GRIK5: variants seen among roughly 807,000 people sequenced by gnomAD.
The protein encoded by GRIK5 is glutamate ionotropic receptor kainate type subunit 5.
Under a neutral mutation model 97.4 loss-of-function variants are expected in GRIK5, and 43 were observed. That is an observed-to-expected ratio of 0.44 (90% CI 0.35 to 0.57). The LOEUF is 0.57. Among genes scored for constraint, GRIK5 ranks in the 20% least tolerant of loss-of-function variants. The pLI is 0.01. For synonymous variants in GRIK5, 580 were observed against 583.5 expected (o/e 0.99, Z 0.09); for missense variants, 1,015 against 1,382.0 (o/e 0.73, Z 4.21).
In GRIK5 at chr19:42,042,046, T is replaced by C. The variant is rs1444427687; in HGVS notation, c.1473+506A>G. Among the ~76,000 whole-genome samples the C allele has an allele frequency of 6.6e-6, 1 of 152,096 alleles. No homozygotes were observed. Among genetic ancestry groups the C allele is most frequent in the African/African-American group, 2.4e-5 (1 of 41,414 alleles). On this transcript the variant is annotated intron_variant, in intron 12 of 19. Coordinates refer to ENST00000593562, the MANE Select transcript of GRIK5 (RefSeq NM_002088.5). This position sits in a 1 kb window ranked among gnomAD's most constrained non-coding sequence, Gnocchi z 6.9. ...CATGCCCAGCAAGAGGCAAGGCACA[T>C]AGTAGGTACTCAATAAACAGCCACT...
chr19:42,013,858 T>A (rs960157784), intron 15 of GRIK5, among the ~76,000 whole-genome samples: 1 of 151,620 alleles, frequency 6.6e-6, no homozygotes, highest in African/African-American at 2.4e-5. Context: ...TGAGACTTCG[T>A]CTCTACCAAA....
chr19:42,005,257 A>AG (rs2075474078), intron 17 of GRIK5, among the ~76,000 whole-genome samples: 1 of 150,748 alleles, frequency 6.6e-6, no homozygotes, highest in Non-Finnish European at 1.5e-5. Flanking sequence ...AAAAAAAAAA[A>AG]CAAAACACCA....
chr19:42,063,549 G>A (rs1414964670), intron 3 of GRIK5: 3 of 346,918 alleles, frequency 8.6e-6, no homozygotes, highest in Non-Finnish European at 1.7e-5. Flanking sequence ...ACATATGGGT[G>A]CAAATCAGAC....
chr19:42,040,469 G>A (rs963918874), intron 12 of GRIK5, among the ~76,000 whole-genome samples: 3 of 152,216 alleles, frequency 2.0e-5, no homozygotes, highest in South Asian at 2.1e-4. Flanking sequence ...AACAGGTCAC[G>A]AGGAAGCCTG....
At chr19:42,064,474 A>T (rs955329931) in intron 3 of GRIK5, among the ~76,000 whole-genome samples, 2 of 149,340 alleles carry the variant, frequency 1.3e-5, no homozygotes, top group African/African-American at 5.0e-5. Context: ...CCCGATCCCC[A>T]CCTCATCTCC....
At position 42,059,410 on chromosome 19, in the gene GRIK5, T is replaced by A. The variant is rs777732231; in HGVS notation, c.626A>T (p.Asp209Val). 6.2e-6 allele frequency: 10 copies of A among 1,614,014 alleles called. No homozygotes were observed. Among genetic ancestry groups the A allele is most frequent in the Non-Finnish European group, 8.5e-6 (10 of 1,179,924 alleles). Residue 209 changes from aspartate (D) to valine (V), a missense_variant, in exon 6 of 20, where the codon GAC becomes GTC. Asp to Val is a radical substitution (Grantham distance 152, BLOSUM62 -3). Around this residue, in one of 5 missense-constraint regions of GRIK5, gnomAD observed 477 missense variants for 701.1 expected, o/e 0.68. Transcript: ENST00000593562. ...PTPLLKEIRDDKVSTIIIDAN... is the reference protein window; with the variant it reads ...PTPLLKEIRDVKVSTIIIDAN... ...GTCGATGATGATGGTGGACACCTTGTCATCACGGATCTCCTTGAGCAGTGG... is the reference window on the plus strand; with the variant it reads ...GTCGATGATGATGGTGGACACCTTGACATCACGGATCTCCTTGAGCAGTGG...
intron 15 of GRIK5, among the ~76,000 whole-genome samples, chr19:42,017,524 GA>G (rs1464369510): frequency 2.0e-5 from 3 of 152,210 alleles, no homozygotes; most frequent in Non-Finnish European, 4.4e-5. Context: ...TGCAAGCACT[GA>G]AAACTCACTA....
intron 12 of GRIK5, among the ~76,000 whole-genome samples, chr19:42,034,764 C>T (rs1009160172): frequency 6.6e-6 from 1 of 151,466 alleles, no homozygotes; most frequent in Non-Finnish European, 1.5e-5. Context: ...ATCCACGCAC[C>T]AGACACTTTT....
chr19:42,005,047 A>G (rs1203734986), intron 17 of GRIK5, among the ~76,000 whole-genome samples: 1 of 152,164 alleles, frequency 6.6e-6, no homozygotes, highest in Non-Finnish European at 1.5e-5. Flanking sequence ...GCAGTAATAG[A>G]TAACTAATAC....
chr19:42,038,330 G>A (rs1785724118), intron 12 of GRIK5, among the ~76,000 whole-genome samples: 1 of 152,212 alleles, frequency 6.6e-6, no homozygotes, highest in Admixed American at 6.5e-5. Context: ...GCCTGGCCCA[G>A]GGGTGACTGG....
Position 42,002,184 on chromosome 19 carries a change from T to TG in GRIK5, c.2514+1147dup, listed in dbSNP as rs1555871043. On this transcript the variant is annotated intron_variant, in intron 19 of 19. Transcript: ENST00000593562. This position sits in a 1 kb window ranked among gnomAD's most constrained non-coding sequence, Gnocchi z 5.2. ...GGCAGGGACCGATGCCAGACTGGAG[T>TG]GGGGGGCAAGAGGAAATGGGAGGAA... is the stretch of plus-strand genomic sequence containing the variant. The TG allele has an allele frequency of 2.8e-6, 2 of 713,500 alleles. No homozygotes were observed. Among genetic ancestry groups the TG allele is most frequent in the Middle Eastern group, 2.3e-4 (1 of 4,348 alleles). The allele number at this position is 713,500 out of a possible 1,614,324, so 44.2% of individuals were successfully genotyped here.
intron 12 of GRIK5, among the ~76,000 whole-genome samples, chr19:42,036,014 A>T (rs2075899716): frequency 6.6e-6 from 1 of 152,192 alleles, no homozygotes; most frequent in South Asian, 2.1e-4. Context: ...CCGGAAACAC[A>T]GTATAATGTA....
chr19:42,040,893 A>T (rs945599919), intron 12 of GRIK5, among the ~76,000 whole-genome samples: 8 of 151,494 alleles, frequency 5.3e-5, no homozygotes, highest in African/African-American at 1.5e-4. Context: ...TAAATAAATA[A>T]AATAATAATA....
At chr19:42,063,971 G>A (rs1306988016) in intron 3 of GRIK5, among the ~76,000 whole-genome samples, 1 of 152,096 alleles carries the variant, frequency 6.6e-6, no homozygotes, top group African/African-American at 2.4e-5. Context: ...TTCCACACTG[G>A]TAAGGGCCCC....
At position 42,021,255 on chromosome 19, in the gene GRIK5, G is replaced by A. The variant is rs572017222; in HGVS notation, c.1871+46C>T. 94 of 1,530,958 alleles carry A rather than the reference G, an allele frequency of 6.1e-5. No individual in the cohort carries two copies. In the Admixed American group the frequency reaches 7.6e-4, roughly 12 times the overall value. The allele number at this position is 1,530,958 out of a possible 1,614,324, so 94.8% of individuals were successfully genotyped here. Reference sequence around the variant, plus strand: ...CCCCAACCCCATCCAGGCCTCAGATGGGTCCCTCCCTCGCCCCGGGCAGAG... The same window carrying A: ...CCCCAACCCCATCCAGGCCTCAGATAGGTCCCTCCCTCGCCCCGGGCAGAG... On this transcript the variant is annotated intron_variant, in intron 15 of 19. Coordinates refer to ENST00000593562, the MANE Select transcript of GRIK5 (RefSeq NM_002088.5). This position sits in a 1 kb window ranked among gnomAD's most constrained non-coding sequence, Gnocchi z 4.2.
chr19:42,025,092 G>A (rs1296669124), intron 12 of GRIK5, among the ~76,000 whole-genome samples: 1 of 152,000 alleles, frequency 6.6e-6, no homozygotes, highest in African/African-American at 2.4e-5. Context: ...GCTTCCTCTG[G>A]GGCCCTCCCA....
At chr19:42,030,007 T>G (rs765643892) in intron 12 of GRIK5, among the ~76,000 whole-genome samples, 5 of 152,204 alleles carry the variant, frequency 3.3e-5, no homozygotes, top group Non-Finnish European at 5.9e-5. Flanking sequence ...GGACTAAGTG[T>G]GGTAGCTGCT....
Position 42,054,439 on chromosome 19 carries a change from C to A in GRIK5, c.937G>T (p.Val313Leu), listed in dbSNP as rs746539777. The change falls in exon 9 of 20, where the codon GTG (valine) becomes TTG (leucine). Residue 313 changes from valine to leucine, a missense_variant. Coordinates refer to ENST00000593562, the MANE Select transcript of GRIK5 (RefSeq NM_002088.5). ...AGCTCTCGGACAGCGCTCACCACCA[C>A]GTGCACGGCGTCAAACATCAGGGCG... is the stretch of plus-strand genomic sequence containing the variant. The part of the protein sequence containing the change: ...SAALMFDAVH[V>L]VVSAVRELNR... 3.1e-6 allele frequency: 5 copies of A among 1,613,312 alleles called. No individual in the cohort carries two copies. In the Admixed American group the frequency reaches 5.0e-5, roughly 16 times the overall value.
Position 41,998,931 on chromosome 19 carries a change from G to A in GRIK5, c.2883C>T (p.Thr961=), listed in dbSNP as rs2075402438. 4.4e-6 allele frequency: 5 copies of A among 1,127,916 alleles called. No homozygotes were observed. Among genetic ancestry groups the A allele is most frequent in the Non-Finnish European group, 5.4e-6 (5 of 922,158 alleles). The allele number at this position is 1,127,916 out of a possible 1,614,324, so 69.9% of individuals were successfully genotyped here. ...PRGLGVPAEA[T]SPPRPRPGPA... is the part of the protein sequence containing the mutation. The stretch of plus-strand genomic sequence containing the variant: ...GGCCAGGCCGCGGCCGGGGCGGGCT[G>A]GTGGCTTCGGCGGGGACGCCCAGGC... Residue 961 remains threonine, a synonymous_variant, in exon 20 of 20, where the codon ACC becomes ACT. Transcript: ENST00000593562.
Sources: gnomAD v4.1 joint callset for allele counts (sites outside exome capture counted in the v4.1 genomes callset) on GRCh38, gnomAD v4.1.1 for gene constraint, gnomAD v4.1.1 regional missense constraint, Gnocchi (gnomAD v3.1) non-coding constraint, MANE v1.5 for transcripts, NCBI Gene and HGNC (gene_info 2026-07-23, HGNC 2026-07-21) for gene names.